The following DMTF1 variants were observed in gnomAD, a reference collection of about 807,000 sequenced individuals.
DMTF1 encodes the protein cyclin D binding myb like transcription factor 1.
Under a neutral mutation model 91.1 loss-of-function variants are expected in DMTF1, and 39 were observed. The ratio of observed to expected loss-of-function variants is 0.43; its 90% confidence interval spans 0.33 to 0.56. The LOEUF (loss-of-function observed/expected upper bound fraction) is 0.56, where lower values mean the gene tolerates loss of function less well. Ranked by LOEUF, DMTF1 falls within the 20% of genes least tolerant of loss-of-function variation. DMTF1 has a pLI of 0.05. For missense variants in DMTF1, 750 were observed against 914.5 expected, an observed-to-expected ratio of 0.82 and a Z score of 2.32; for synonymous variants, 338 against 309.5, an observed-to-expected ratio of 1.09 and a Z score of -0.97.
intron 5 of DMTF1, among the ~76,000 whole-genome samples, chr7:87,171,566 A>T (rs1280199066): frequency 1.3e-5 from 2 of 152,194 alleles, no homozygotes; most frequent in African/African-American, 2.4e-5. Context: ...AACTATTATA[A>T]GTCCCTATGT....
At position 87,184,518 on chromosome 7, in the gene DMTF1, T is replaced by G. The variant is rs1584410791; in HGVS notation, c.942T>G (p.Gly314=). The change falls in exon 11 of 18, where the codon GGT becomes GGG. Residue 314 remains glycine, a synonymous_variant. Coordinates refer to ENST00000331242, the MANE Select transcript of DMTF1 (RefSeq NM_001142327.2). ...GGGCAGCTGTGGCTGAACGAGTCGG[T>G]ACCCGCTCAGAAAAGCAATGTCGTT... ...VSWAAVAERV[G]TRSEKQCRSK... is the part of the protein sequence containing the mutation. 1 of 1,614,034 alleles carries G rather than the reference T, an allele frequency of 6.2e-7. No individual in the cohort carries two copies. Among genetic ancestry groups the G allele is most frequent in the Admixed American group, 1.7e-5 (1 of 59,992 alleles).
At chr7:87,172,010 C>T (rs969186077) in intron 5 of DMTF1, among the ~76,000 whole-genome samples, 1 of 152,154 alleles carries the variant, frequency 6.6e-6, no homozygotes, top group Non-Finnish European at 1.5e-5. Flanking sequence ...ATGGGCTCTG[C>T]TATATAGACA....
At chr7:87,193,480 T>A in intron 15 of DMTF1, 127 bp downstream of exon 15, 2 of 985,106 alleles carry the variant, frequency 2.0e-6, no homozygotes, top group Non-Finnish European at 1.5e-6. Flanking sequence ...CACAGTGTTA[T>A]ACACCATCAC....
rs1365048476 is a variant in DMTF1, at chr7:87,196,096, CA to C, written c.*959del. The C allele has an allele frequency of 6.6e-6, 1 of 152,420 alleles. No individual in the cohort carries two copies. Among genetic ancestry groups the C allele is most frequent in the African/African-American group, 2.4e-5 (1 of 41,340 alleles). 9.4% of individuals were successfully genotyped at this position (152,420 alleles called of 1,614,324 possible). ...TTCCTGTACTACAGAAGGGTTAAGGCAAAGGTAGCCTTTTGGGCTTTTTAAT... is the reference window on the plus strand; with the variant it reads ...TTCCTGTACTACAGAAGGGTTAAGGCAAGGTAGCCTTTTGGGCTTTTTAAT... On this transcript the variant is annotated 3_prime_UTR_variant, in exon 18 of 18. Coordinates refer to ENST00000331242, the MANE Select transcript of DMTF1 (RefSeq NM_001142327.2).
intron 11 of DMTF1, 92 bp from the exon 12 acceptor site, chr7:87,185,737 T>C: frequency 1.4e-6 from 2 of 1,420,340 alleles, no homozygotes; most frequent in Non-Finnish European, 2.0e-6. Context: ...TGCCATTCCC[T>C]TTATTTGCCA....
chr7:87,184,656 G>A (rs1374407295), intron 11 of DMTF1, 31 bp downstream of exon 11: 4 of 1,588,018 alleles, frequency 2.5e-6, no homozygotes, highest in Non-Finnish European at 3.5e-6. Flanking sequence ...AATGACAAAA[G>A]CAACTTAATT....
chr7:87,193,036 A>C (rs1800239004), intron 14 of DMTF1, 162 bp from the exon 15 acceptor site: 5 of 656,610 alleles, frequency 7.6e-6, no homozygotes, highest in Non-Finnish European at 1.3e-5. Flanking sequence ...TTAAACCTTC[A>C]GGCTAGGTAA....
Position 87,195,980 on chromosome 7 carries a change from G to A in DMTF1, c.*840G>A, listed in dbSNP as rs1323107644. 1.3e-5 allele frequency: 2 copies of A among 152,168 alleles called. No individual in the cohort carries two copies. The highest frequency in any genetic ancestry group is 4.8e-5 in the African/African-American group (2 of 41,442). 9.4% of individuals were successfully genotyped at this position (152,168 alleles called of 1,614,324 possible). A position where few individuals can be genotyped will look rare whatever the true frequency, so the allele number is the denominator to read the frequency against. On this transcript the variant is annotated 3_prime_UTR_variant, in exon 18 of 18. Transcript: ENST00000331242. ...AGTTTGTCATCCACTTAGTGTGTTA[G>A]CTGGTGGGGTACAATATAACCTCTC... is the stretch of plus-strand genomic sequence containing the variant.
chr7:87,174,536 G>A, intron 6 of DMTF1, 57 bp from the exon 7 acceptor site: 1 of 1,173,180 alleles, frequency 8.5e-7, no homozygotes, highest in South Asian at 1.3e-5. Flanking sequence ...AATCTTTGGT[G>A]TTTTATTTCT....
At chr7:87,164,248 C>G (rs942541705) in intron 2 of DMTF1, 1 of 152,086 alleles carries the variant, frequency 6.6e-6, no homozygotes, top group Non-Finnish European at 1.5e-5. Flanking sequence ...CCTTTCCCCC[C>G]ACTAGCCATG....
At chr7:87,175,799 A>C (rs1297687648) in intron 7 of DMTF1, among the ~76,000 whole-genome samples, 1 of 152,186 alleles carries the variant, frequency 6.6e-6, no homozygotes. Context: ...CCTTGAACTA[A>C]GATAAATAGC....
intron 13 of DMTF1, among the ~76,000 whole-genome samples, chr7:87,189,996 G>A (rs1584454353): frequency 6.6e-6 from 1 of 152,052 alleles, no homozygotes; most frequent in African/African-American, 2.4e-5. Flanking sequence ...GCTGAGAAGT[G>A]TTGTAGTCAG....
At chr7:87,179,501 A>T in intron 7 of DMTF1, 44 bp from the exon 8 acceptor site, 1 of 1,449,636 alleles carries the variant, frequency 6.9e-7, no homozygotes, top group Non-Finnish European at 9.0e-7. Context: ...ATCCATATGC[A>T]TTTTATCAGA....
In DMTF1 at chr7:87,164,948, A is replaced by C; in HGVS notation, c.7A>C (p.Thr3Pro). The C allele has an allele frequency of 6.2e-7, 1 of 1,605,126 alleles. No homozygotes were observed. Among genetic ancestry groups the C allele is most frequent in the Non-Finnish European group, 8.5e-7 (1 of 1,175,074 alleles). The change falls in exon 3 of 18, where the codon ACA (threonine) becomes CCA (proline). Residue 3 changes from threonine to proline, a missense_variant. Physicochemically the swap from Thr to Pro is conservative, Grantham distance 38. Around this residue, in one of 3 missense-constraint regions of DMTF1, gnomAD observed 150 missense variants for 150.4 expected, o/e 1.00. Transcript: ENST00000331242. Reference sequence around the variant, plus strand: ...TTCTTGTACAGATTTGAGTATGAGCACAGTGGAAGAGGATTCTGACACAGT... The same window carrying C: ...TTCTTGTACAGATTTGAGTATGAGCCCAGTGGAAGAGGATTCTGACACAGT... MS[T>P]VEEDSDTVTV... is the part of the protein sequence containing the mutation.
intron 7 of DMTF1, among the ~76,000 whole-genome samples, chr7:87,178,065 T>TG (rs1003450052): frequency 1.3e-5 from 2 of 152,188 alleles, no homozygotes; most frequent in South Asian, 2.1e-4. Context: ...TACATCAACT[T>TG]GGGGGGAATT....
chr7:87,157,358 G>C (rs180809679), intron 1 of DMTF1, among the ~76,000 whole-genome samples: 2 of 152,238 alleles, frequency 1.3e-5, no homozygotes, highest in East Asian at 3.9e-4. Context: ...TCTAGGGTCA[G>C]CAAATGTTGG....
intron 10 of DMTF1, among the ~76,000 whole-genome samples, chr7:87,183,232 C>G (rs73206988): frequency 0.037 from 5,611 of 152,314 alleles, 127 homozygotes; most frequent in East Asian, 0.064. Flanking sequence ...GAGAACATAA[C>G]TTCTACCAAC....
intron 13 of DMTF1, among the ~76,000 whole-genome samples, chr7:87,188,504 C>G (rs1190513763): frequency 1.3e-5 from 2 of 152,078 alleles, no homozygotes; most frequent in African/African-American, 4.8e-5. Context: ...AGCAGTTGCC[C>G]AACCATTATA....
At chr7:87,176,008 A>ATT in intron 7 of DMTF1, among the ~76,000 whole-genome samples, 1 of 152,304 alleles carries the variant, frequency 6.6e-6, no homozygotes, top group South Asian at 2.1e-4. Flanking sequence ...AAATAGTGTT[A>ATT]TGTCTAAAAT....
Sources: gnomAD v4.1 joint callset for allele counts (sites outside exome capture counted in the v4.1 genomes callset) on GRCh38, gnomAD v4.1.1 for gene constraint, gnomAD v4.1.1 regional missense constraint, MANE v1.5 for transcripts, NCBI Gene and HGNC (gene_info 2026-07-23, HGNC 2026-07-21) for gene names.